The following CAMTA1 variants were observed in gnomAD, a reference collection of about 807,000 sequenced individuals.
CAMTA1 encodes the protein calmodulin-binding transcription activator 1.
In CAMTA1, 27 loss-of-function variants were observed where a neutral mutation model predicts 170.9. The observed-to-expected ratio is 0.16, with a 90% CI of 0.12 to 0.22. The LOEUF is 0.22. Among genes scored for constraint, CAMTA1 ranks in the 10% least tolerant of loss-of-function variants. The pLI is 1.00. For synonymous variants in CAMTA1, 833 were observed against 891.5 expected (o/e 0.93, Z 1.17); for missense variants, 1,619 against 2,217.2 (o/e 0.73, Z 5.42).
At chr1:7,040,828 C>T (rs149906786) in intron 3 of CAMTA1, among the ~76,000 whole-genome samples, 3 of 151,220 alleles carry the variant, frequency 2.0e-5, no homozygotes, top group East Asian at 2.0e-4. Context: ...CTGGTTGAAG[C>T]GATTCCCCTG....
intron 4 of CAMTA1, among the ~76,000 whole-genome samples, chr1:7,189,998 T>C (rs1654211430): frequency 6.6e-6 from 1 of 152,146 alleles, no homozygotes; most frequent in Non-Finnish European, 1.5e-5. Context: ...CTGGAGGGGA[T>C]TGGAGATTAT....
At chr1:7,424,607 C>T (rs2091773538) in intron 5 of CAMTA1, among the ~76,000 whole-genome samples, 1 of 152,152 alleles carries the variant, frequency 6.6e-6, no homozygotes, top group Admixed American at 6.5e-5. Context: ...TGTAAGAAAG[C>T]AGGCCGCTGT....
chr1:6,847,248 A>G (rs957225991), intron 3 of CAMTA1, among the ~76,000 whole-genome samples: 2 of 151,920 alleles, frequency 1.3e-5, no homozygotes, highest in Non-Finnish European at 2.9e-5. Flanking sequence ...CAAGTGAAGG[A>G]TGGATTTTTT....
intron 6 of CAMTA1, among the ~76,000 whole-genome samples, chr1:7,621,636 C>A (rs929701827): frequency 6.6e-6 from 1 of 152,206 alleles, no homozygotes; most frequent in African/African-American, 2.4e-5. Context: ...GCCCAACACT[C>A]TGTGTCATTG....
chr1:7,750,100 G>C lies in CAMTA1; in HGVS notation c.4690-1099G>C, dbSNP rs569150901. On this transcript the variant is annotated intron_variant, in intron 19 of 22. Transcript: ENST00000303635. The stretch of plus-strand genomic sequence containing the variant: ...AAAGCGCTTCACTGTGGCCCGATGG[G>C]TCTGAGTGTGTAGTGTGCACAGGTG... Among the ~76,000 whole-genome samples the C allele has an allele frequency of 5.9e-5, 9 of 152,338 alleles. No individual in the cohort carries two copies. In the South Asian group the frequency reaches 1.7e-3, roughly 28 times the overall value.
In CAMTA1 at chr1:7,011,320, A is replaced by G. The variant is rs559779341; in HGVS notation, c.235-79984A>G. 7.9e-5 allele frequency among the ~76,000 whole-genome samples: 12 copies of G among 152,208 alleles called. No homozygotes were observed. The South Asian group carries it at 2.5e-3, about 32-fold the overall frequency. ...CTTGGGTTCAAATGATGCTGGGATT[A>G]CATGCATGAGCTACTGTGCCCTGCC... On this transcript the variant is annotated intron_variant, in intron 3 of 22. Coordinates refer to ENST00000303635, the MANE Select transcript of CAMTA1 (RefSeq NM_015215.4).
intron 6 of CAMTA1, among the ~76,000 whole-genome samples, chr1:7,563,011 T>C (rs2094980533): frequency 6.6e-6 from 1 of 152,134 alleles, no homozygotes; most frequent in Admixed American, 6.5e-5. Context: ...GTACACTGCT[T>C]CCCACATTCT....
At chr1:6,854,841 A>G (rs947188466) in intron 3 of CAMTA1, among the ~76,000 whole-genome samples, 15 of 152,380 alleles carry the variant, frequency 9.8e-5, no homozygotes, top group African/African-American at 3.4e-4. Flanking sequence ...TTAATACATT[A>G]TGAATGAAAG....
chr1:7,483,209 A>C (rs1368031490), intron 6 of CAMTA1, among the ~76,000 whole-genome samples: 1 of 152,118 alleles, frequency 6.6e-6, no homozygotes. Flanking sequence ...GGTTGCATGG[A>C]TGGAGATTTG....
At chr1:7,689,747 A>G (rs3124797) in intron 11 of CAMTA1, among the ~76,000 whole-genome samples, 73,992 of 151,966 alleles carry the variant, frequency 0.49, 18,201 homozygotes, top group East Asian at 0.66. Flanking sequence ...CTGAATCGGG[A>G]TGGAAGTCAC....
chr1:7,755,776 A>G, intron 22 of CAMTA1, 108 bp downstream of exon 22: 1 of 883,884 alleles, frequency 1.1e-6, no homozygotes, highest in Non-Finnish European at 1.9e-6. Context: ...TAAGTTTCAC[A>G]TCCATTTTGA....
chr1:7,642,233 G>A lies in CAMTA1; in HGVS notation c.664+1680G>A, dbSNP rs74053130. Among the ~76,000 whole-genome samples, 2,437 of 152,260 alleles carry A rather than the reference G, an allele frequency of 0.016. 62 individuals are homozygous for A. Among genetic ancestry groups the A allele is most frequent in the African/African-American group, 0.054 (2,260 of 41,534 alleles). On this transcript the variant is annotated intron_variant, in intron 7 of 22. Transcript: ENST00000303635. This position sits in a 1 kb window ranked among gnomAD's most constrained non-coding sequence, Gnocchi z 6.3. ...CCTCTTCAAAATGCTGCCGAGCACC[G>A]GGAAGCATGGGGAAATGGCACAGCT...
intron 3 of CAMTA1, among the ~76,000 whole-genome samples, chr1:6,871,232 G>A (rs1295118648): frequency 6.6e-6 from 1 of 152,138 alleles, no homozygotes; most frequent in Non-Finnish European, 1.5e-5. Flanking sequence ...CCTGTGCAGT[G>A]AAAGTTGAAT....
intron 3 of CAMTA1, among the ~76,000 whole-genome samples, chr1:6,938,923 T>A (rs917325280): frequency 6.6e-6 from 1 of 152,218 alleles, no homozygotes; most frequent in African/African-American, 2.4e-5. Flanking sequence ...GGCCCCACTG[T>A]TTACATCAGT....
At chr1:6,901,503 TGAA>T (rs1204811077) in intron 3 of CAMTA1, among the ~76,000 whole-genome samples, 1 of 152,222 alleles carries the variant, frequency 6.6e-6, no homozygotes, top group Non-Finnish European at 1.5e-5. Context: ...CCATAATGTA[TGAA>T]GAACTTTAAA....
intron 5 of CAMTA1, among the ~76,000 whole-genome samples, chr1:7,329,762 G>T (rs896420861): frequency 2.6e-5 from 4 of 152,160 alleles, no homozygotes; most frequent in African/African-American, 9.7e-5. Flanking sequence ...TGCTACTGAG[G>T]TTCTATAATG....
At chr1:7,078,290 A>G (rs1639572941) in intron 3 of CAMTA1, among the ~76,000 whole-genome samples, 1 of 152,220 alleles carries the variant, frequency 6.6e-6, no homozygotes, top group Non-Finnish European at 1.5e-5. Context: ...TATAACAACA[A>G]TCTGTGCTCT....
At chr1:6,840,247 T>G (rs1185043907) in intron 3 of CAMTA1, among the ~76,000 whole-genome samples, 3 of 152,030 alleles carry the variant, frequency 2.0e-5, no homozygotes, top group African/African-American at 7.2e-5. Flanking sequence ...ATGAAGTTAT[T>G]GGAGGATGAG....
chr1:7,740,681 G>A (rs1003995167), intron 16 of CAMTA1, among the ~76,000 whole-genome samples: 3 of 152,172 alleles, frequency 2.0e-5, no homozygotes, highest in East Asian at 3.8e-4. Context: ...TATTGTAAAG[G>A]GCATATGTAT....
Sources: allele counts gnomAD v4.1 joint callset (sites outside exome capture counted in the v4.1 genomes callset), GRCh38; gene constraint gnomAD v4.1.1; non-coding constraint Gnocchi (gnomAD v3.1); transcripts MANE v1.5; gene names NCBI Gene and HGNC (gene_info 2026-07-23, HGNC 2026-07-21).